RBFOX1: variants seen among roughly 807,000 people sequenced by gnomAD.
The protein encoded by RBFOX1 is RNA binding fox-1 homolog 1.
A neutral mutation model predicts 57.7 loss-of-function variants in RBFOX1; 8 were observed. That is an observed-to-expected ratio of 0.14 (90% CI 0.08 to 0.25). The LOEUF (loss-of-function observed/expected upper bound fraction) is 0.25, where lower values mean the gene tolerates loss of function less well. RBFOX1 is among the 10% of genes least tolerant of loss of function. RBFOX1 has a pLI of 1.00. For synonymous variants in RBFOX1, 326 were observed against 222.4 expected, an observed-to-expected ratio of 1.47 and a Z score of -4.15; for missense variants, 611 against 548.5, an observed-to-expected ratio of 1.11 and a Z score of -1.14.
chr16:6,213,349 T>A (rs573915343), intron 1 of RBFOX1, among the ~76,000 whole-genome samples: 31 of 152,222 alleles, frequency 2.0e-4, no homozygotes, highest in African/African-American at 6.7e-4. Flanking sequence ...AAGGCACCAT[T>A]TTGGGGCCTT....
chr16:7,482,633 G>T (rs933613090), intron 4 of RBFOX1, among the ~76,000 whole-genome samples: 2 of 136,422 alleles, frequency 1.5e-5, no homozygotes, highest in Admixed American at 1.7e-4. Flanking sequence ...CTTTCCAAGA[G>T]AACCCAGGAG....
chr16:6,697,021 A>T (rs1006171925), intron 3 of RBFOX1, among the ~76,000 whole-genome samples: 15 of 152,210 alleles, frequency 9.9e-5, no homozygotes, highest in African/African-American at 3.6e-4. Flanking sequence ...CATAAAGAAA[A>T]GCTTAGACAT....
At chr16:5,749,654 G>A (rs1030056106) in intron 3 of RBFOX1, among the ~76,000 whole-genome samples, 7 of 152,048 alleles carry the variant, frequency 4.6e-5, no homozygotes, top group African/African-American at 7.2e-5. Context: ...CCAGTTGATC[G>A]AATCGGCTGC....
intron 4 of RBFOX1, among the ~76,000 whole-genome samples, chr16:7,265,313 C>T (rs1483842053): frequency 2.0e-5 from 3 of 150,678 alleles, no homozygotes; most frequent in Admixed American, 2.0e-4. Flanking sequence ...TGGTGGCCTT[C>T]TCCCTGTATC....
At chr16:7,107,397 C>A (rs1269214108) in intron 4 of RBFOX1, among the ~76,000 whole-genome samples, 1 of 152,134 alleles carries the variant, frequency 6.6e-6, no homozygotes, top group Non-Finnish European at 1.5e-5. Context: ...AGGGTGGAGG[C>A]TGGACCTCAC....
At chr16:6,861,569 G>C (rs932793231) in intron 3 of RBFOX1, among the ~76,000 whole-genome samples, 2 of 143,780 alleles carry the variant, frequency 1.4e-5, no homozygotes, top group Non-Finnish European at 3.0e-5. Flanking sequence ...TAGCATCTTA[G>C]GCTCTCATTT....
At chr16:6,422,642 G>GGCAGGA (rs1363967059) in intron 2 of RBFOX1, among the ~76,000 whole-genome samples, 2 of 152,126 alleles carry the variant, frequency 1.3e-5, no homozygotes, top group African/African-American at 2.4e-5. Context: ...TGACTCACAT[G>GGCAGGA]GCAGGAGCAG....
chr16:7,219,730 A>G (rs2092575320), intron 4 of RBFOX1, among the ~76,000 whole-genome samples: 1 of 152,166 alleles, frequency 6.6e-6, no homozygotes, highest in Non-Finnish European at 1.5e-5. Flanking sequence ...AATCTTTAAG[A>G]GTGGTATTGG....
At chr16:6,900,766 A>T (rs2068273796) in intron 3 of RBFOX1, among the ~76,000 whole-genome samples, 1 of 152,118 alleles carries the variant, frequency 6.6e-6, no homozygotes, top group Admixed American at 6.5e-5. Context: ...TCTACGTGTA[A>T]GACCCTCTCC....
chr16:6,037,728 G>C (rs1242598323), intron 1 of RBFOX1: 5 of 152,002 alleles, frequency 3.3e-5, no homozygotes, highest in Non-Finnish European at 5.9e-5. Flanking sequence ...CTGTGTAGCT[G>C]GGACTACAGG....
intron 2 of RBFOX1, among the ~76,000 whole-genome samples, chr16:6,352,281 G>A (rs1599956562): frequency 6.6e-6 from 1 of 152,036 alleles, no homozygotes. Flanking sequence ...TTAGGCAGGG[G>A]GGTTGTTTCT....
chr16:6,628,177 C>T (rs563967525), intron 2 of RBFOX1, among the ~76,000 whole-genome samples: 20 of 152,204 alleles, frequency 1.3e-4, no homozygotes, highest in Non-Finnish European at 5.9e-5. Flanking sequence ...TTCCTGCTTA[C>T]GGGTACCTTG....
chr16:5,395,398 A>G (rs2066522212), intron 1 of RBFOX1, among the ~76,000 whole-genome samples: 1 of 152,202 alleles, frequency 6.6e-6, no homozygotes, highest in Non-Finnish European at 1.5e-5. Flanking sequence ...TAGAGAGGCC[A>G]GTGATGGGTT....
intron 3 of RBFOX1, among the ~76,000 whole-genome samples, chr16:5,773,188 T>C (rs1327651858): frequency 6.6e-6 from 1 of 152,176 alleles, no homozygotes; most frequent in African/African-American, 2.4e-5. Flanking sequence ...CTTCAGGGGA[T>C]AAGTATAGAA....
chr16:5,789,898 A>G (rs2054630608), intron 3 of RBFOX1, among the ~76,000 whole-genome samples: 2 of 152,202 alleles, frequency 1.3e-5, no homozygotes, highest in Non-Finnish European at 2.9e-5. Context: ...TACCTTAAGG[A>G]AGTGAGCCTG....
Position 5,946,941 on chromosome 16 carries a change from G to T in RBFOX1, c.351+79606G>T, listed in dbSNP as rs760991325. On this transcript the variant is annotated intron_variant, in intron 4 of 19. Transcript: ENST00000641259. This position sits in a 1 kb window ranked among gnomAD's most constrained non-coding sequence, Gnocchi z 4.6. The stretch of plus-strand genomic sequence containing the variant: ...CTCTGTTAGAAGAAAGGCCAGAGCA[G>T]TGGCTCACAGCCGTAATCCTAGCAC... 2.0e-5 allele frequency among the ~76,000 whole-genome samples: 3 copies of T among 152,338 alleles called. No individual in the cohort carries two copies. The highest frequency in any genetic ancestry group is 2.0e-4 in the Admixed American group (3 of 15,312).
intron 3 of RBFOX1, among the ~76,000 whole-genome samples, chr16:5,631,576 C>G (rs949377110): frequency 6.6e-6 from 1 of 151,700 alleles, no homozygotes. Context: ...AAAAAAGTGT[C>G]TCTTCTATGT....
intron 2 of RBFOX1, among the ~76,000 whole-genome samples, chr16:6,587,697 G>T (rs1025766675): frequency 6.6e-6 from 1 of 152,258 alleles, no homozygotes; most frequent in South Asian, 2.1e-4. Context: ...AAAACAGAGA[G>T]ATGATTTTTC....
rs555641616 is a variant in RBFOX1 at position 7,705,175 on chromosome 16, G to C, written c.996-3881G>C. Among the ~76,000 whole-genome samples, 126 of 152,072 alleles carry C rather than the reference G, an allele frequency of 8.3e-4. 1 individual carries two copies. Among genetic ancestry groups the C allele is most frequent in the Non-Finnish European group, 1.4e-3 (98 of 68,020 alleles). On this transcript the variant is annotated intron_variant, in intron 14 of 15. Transcript: ENST00000550418. ...GAGGGTGAGCAAGTGCCAAGACTAA[G>C]CAGAGAATGGATTTGCATGTGTGCA...
Sources: allele counts gnomAD v4.1 joint callset (sites outside exome capture counted in the v4.1 genomes callset), GRCh38; gene constraint gnomAD v4.1.1; non-coding constraint Gnocchi (gnomAD v3.1); transcripts MANE v1.5; gene names NCBI Gene and HGNC (gene_info 2026-07-23, HGNC 2026-07-21).